ZEB1: variants seen among roughly 807,000 people sequenced by gnomAD.
The protein encoded by ZEB1 is zinc finger E-box binding homeobox 1, also known as zinc finger E-box-binding homeobox 1.
ZEB1 carries 21 observed loss-of-function variants against 84.9 expected under a neutral mutation model. The ratio of observed to expected loss-of-function variants is 0.25; its 90% CI spans 0.18 to 0.36. The LOEUF (loss-of-function observed/expected upper bound fraction) is 0.36, where lower values mean the gene tolerates loss of function less well. ZEB1 is among the 10% of genes least tolerant of loss of function. The probability of loss-of-function intolerance (pLI) is 1.00; values close to 1 mark genes in which losing one functional copy is unlikely to be tolerated. For synonymous variants in ZEB1, 420 were observed against 471.1 expected (o/e 0.89, Z 1.41); for missense variants, 1,104 against 1,330.2 (o/e 0.83, Z 2.65).
chr10:31,483,732 C>G (rs1041714369), intron 2 of ZEB1, among the ~76,000 whole-genome samples: 5 of 151,920 alleles, frequency 3.3e-5, no homozygotes, highest in African/African-American at 1.2e-4. Flanking sequence ...TTGCTGTTAT[C>G]TTCATTCTTC....
Position 31,361,255 on chromosome 10 carries a change from C to T in ZEB1, c.58+41963C>T, listed in dbSNP as rs1324534882. 5.5e-5 allele frequency: 87 copies of T among 1,586,670 alleles called. No individual in the cohort carries two copies. In the East Asian group the frequency reaches 9.2e-4, roughly 17 times the overall value. On this transcript the variant is annotated intron_variant, in intron 1 of 8. Coordinates refer to ENST00000424869, the MANE Select transcript of ZEB1 (RefSeq NM_001174096.2). The stretch of plus-strand genomic sequence containing the variant: ...GTCACCAGGCTGGAGTGCAGTGGTG[C>T]GATCTCGGCTCACTGCAACCTCCAC...
chr10:31,399,479 C>A (rs867780159), intron 1 of ZEB1, among the ~76,000 whole-genome samples: 3 of 152,072 alleles, frequency 2.0e-5, no homozygotes, highest in Non-Finnish European at 4.4e-5. Context: ...ATTTCTGTTA[C>A]CAAAATATTA....
At chr10:31,495,398 C>T (rs2067076985) in intron 2 of ZEB1, among the ~76,000 whole-genome samples, 1 of 151,940 alleles carries the variant, frequency 6.6e-6, no homozygotes, top group Non-Finnish European at 1.5e-5. Context: ...TAAATCTGTA[C>T]TGCTTTTACT....
chr10:31,467,554 C>G (rs191282777), intron 2 of ZEB1, among the ~76,000 whole-genome samples: 13 of 152,296 alleles, frequency 8.5e-5, no homozygotes, highest in Admixed American at 7.2e-4. Context: ...CTCCATTGCC[C>G]CACCTGAGTG....
At chr10:31,387,837 GAA>G (rs1258277389) in intron 1 of ZEB1, 1 of 870,948 alleles carries the variant, frequency 1.1e-6, no homozygotes, top group East Asian at 1.2e-4. Flanking sequence ...GATCTTAATT[GAA>G]AAATATTACT....
chr10:31,424,410 G>C (rs1178261255), intron 1 of ZEB1, among the ~76,000 whole-genome samples: 1 of 151,934 alleles, frequency 6.6e-6, no homozygotes, highest in Non-Finnish European at 1.5e-5. Flanking sequence ...TATTTAAATG[G>C]TGCTGCAATT....
At chr10:31,411,524 C>T (rs1427757668) in intron 1 of ZEB1, among the ~76,000 whole-genome samples, 2 of 149,630 alleles carry the variant, frequency 1.3e-5, no homozygotes, top group African/African-American at 2.5e-5. Flanking sequence ...CCCAGCTACT[C>T]GGGAGGCTGA....
At chr10:31,474,616 C>G (rs1373234640) in intron 2 of ZEB1, among the ~76,000 whole-genome samples, 1 of 152,122 alleles carries the variant, frequency 6.6e-6, no homozygotes, top group South Asian at 2.1e-4. Flanking sequence ...GTTGGTGGGA[C>G]TGTAAACTAG....
At chr10:31,349,556 TTC>T (rs2133827357) in intron 1 of ZEB1, among the ~76,000 whole-genome samples, 1 of 152,306 alleles carries the variant, frequency 6.6e-6, no homozygotes, top group South Asian at 2.1e-4. Context: ...AGGGGTTTCC[TTC>T]TCTCTGCATC....
intron 2 of ZEB1, among the ~76,000 whole-genome samples, chr10:31,482,492 A>G (rs182674283): frequency 1.3e-5 from 2 of 151,876 alleles, no homozygotes; most frequent in African/African-American, 2.4e-5. Flanking sequence ...AAAAAGGATT[A>G]TTAGTGGGGA....
chr10:31,470,366 A>C (rs1201404754), intron 2 of ZEB1, among the ~76,000 whole-genome samples: 2 of 146,202 alleles, frequency 1.4e-5, no homozygotes, highest in Non-Finnish European at 3.0e-5. Flanking sequence ...AGAAGTGCTT[A>C]AAGGAGCTGA....
At chr10:31,423,577 A>G (rs1455803314) in intron 1 of ZEB1, among the ~76,000 whole-genome samples, 1 of 152,116 alleles carries the variant, frequency 6.6e-6, no homozygotes, top group East Asian at 1.9e-4. Flanking sequence ...ATATAATGCA[A>G]ATGCATGAGG....
intron 1 of ZEB1, among the ~76,000 whole-genome samples, chr10:31,322,739 T>C (rs1228967863): frequency 6.9e-6 from 1 of 144,732 alleles, no homozygotes; most frequent in Non-Finnish European, 1.5e-5. Context: ...TGTGGTTTTC[T>C]TCTTGTTCTA....
At chr10:31,365,978 C>T (rs1203568430) in intron 1 of ZEB1, among the ~76,000 whole-genome samples, 5 of 152,214 alleles carry the variant, frequency 3.3e-5, no homozygotes, top group Admixed American at 6.5e-5. Flanking sequence ...CTCAGTAACA[C>T]GTTTAGGGCC....
At chr10:31,458,539 A>G (rs917127863) in intron 1 of ZEB1, among the ~76,000 whole-genome samples, 1 of 151,950 alleles carries the variant, frequency 6.6e-6, no homozygotes, top group Non-Finnish European at 1.5e-5. Context: ...CCATCTTGAC[A>G]CGTATTTTCT....
At chr10:31,506,698 C>T (rs1479723969) in intron 4 of ZEB1, among the ~76,000 whole-genome samples, 1 of 152,004 alleles carries the variant, frequency 6.6e-6, no homozygotes, top group East Asian at 1.9e-4. Context: ...AGCTGGGTCA[C>T]AGTTTTTATC....
Position 31,508,325 on chromosome 10 carries a change from G to A in ZEB1, c.485-2348G>A, listed in dbSNP as rs542502439. ...AGTGGTAAGCTGGGCAGGTGGGCAG[G>A]TTCTCAGGCTCCTGGGCAGTGGATG... On this transcript the variant is annotated intron_variant, in intron 4 of 8. Coordinates refer to ENST00000424869, the MANE Select transcript of ZEB1 (RefSeq NM_001174096.2). Among the ~76,000 whole-genome samples the A allele has an allele frequency of 3.3e-5, 5 of 152,258 alleles. No individual in the cohort carries two copies. The South Asian group carries it at 8.3e-4, about 25-fold the overall frequency.
At chr10:31,482,108 AC>A (rs2065120767) in intron 2 of ZEB1, among the ~76,000 whole-genome samples, 1 of 152,104 alleles carries the variant, frequency 6.6e-6, no homozygotes, top group Non-Finnish European at 1.5e-5. Flanking sequence ...CCTGGCAGGC[AC>A]CACCTTAACC....
At chr10:31,339,239 G>A (rs561586666) in intron 1 of ZEB1, among the ~76,000 whole-genome samples, 1 of 152,148 alleles carries the variant, frequency 6.6e-6, no homozygotes, top group Admixed American at 6.5e-5. Flanking sequence ...CTTTTTGTTA[G>A]CTACTTTAAA....
Sources: allele counts gnomAD v4.1 joint callset (sites outside exome capture counted in the v4.1 genomes callset), GRCh38; gene constraint gnomAD v4.1.1; transcripts MANE v1.5; gene names NCBI Gene and HGNC (gene_info 2026-07-23, HGNC 2026-07-21).